Variants in BRAT1 observed in about 807,000 individuals in gnomAD.
BRAT1 encodes the protein integrator complex assembly factor BRAT1.
BRAT1 carries 74 observed loss-of-function variants against 70.6 expected under a neutral mutation model. That is an observed-to-expected ratio of 1.05 (90% CI 0.87 to 1.27). The LOEUF (loss-of-function observed/expected upper bound fraction) is 1.27. Ranked by LOEUF, BRAT1 falls within the 50% of genes most tolerant of loss-of-function variation. The probability of loss-of-function intolerance (pLI) is 0.00; values close to 1 mark genes in which losing one functional copy is unlikely to be tolerated. For synonymous variants in BRAT1, 615 were observed against 517.1 expected, an observed-to-expected ratio of 1.19 and a Z score of -2.57; for missense variants, 1,203 against 1,098.2, an observed-to-expected ratio of 1.10 and a Z score of -1.35.
At chr7:2,544,048 A>G in intron 4 of BRAT1, 86 bp from the exon 5 acceptor site, 1 of 887,420 alleles carries the variant, frequency 1.1e-6, no homozygotes, top group African/African-American at 2.6e-5. Flanking sequence ...GAAGATACAA[A>G]TAGCAGAGGG....
chr7:2,545,981 C>T (rs1334540534), intron 3 of BRAT1, among the ~76,000 whole-genome samples: 1 of 152,248 alleles, frequency 6.6e-6, no homozygotes. Context: ...TGCCTTCGCA[C>T]AACCTGGCGA....
At chr7:2,545,769 C>G (rs1466933493) in intron 3 of BRAT1, among the ~76,000 whole-genome samples, 2 of 152,196 alleles carry the variant, frequency 1.3e-5, no homozygotes, top group African/African-American at 2.4e-5. Flanking sequence ...GGATTATAGG[C>G]ATGAGCCACC....
At position 2,542,509 on chromosome 7, in the gene BRAT1, G is replaced by A. The variant is rs920460406; in HGVS notation, c.924-298C>T. ...GGGCAGTGCCCGCTCAGGGGGACAG[G>A]GATGGGGTGCCCCCAGGTGTGTACA... On this transcript the variant is annotated intron_variant, in intron 6 of 13. Transcript: ENST00000340611. The A allele has an allele frequency of 1.9e-4, 29 of 148,880 alleles. No individual in the cohort carries two copies. The African/African-American group carries it at 4.1e-3, about 21-fold the overall frequency. The allele number at this position is 148,880 out of a possible 1,614,324, so 9.2% of individuals were successfully genotyped here. A position where few individuals can be genotyped will look rare whatever the true frequency, so the allele number is the denominator to read the frequency against.
intron 2 of BRAT1, among the ~76,000 whole-genome samples, 157 bp downstream of exon 2, chr7:2,554,148 G>A (rs1780238267): frequency 6.6e-6 from 1 of 152,142 alleles, no homozygotes; most frequent in South Asian, 2.1e-4. Flanking sequence ...CCCTCAGTCT[G>A]CCACAGATAA....
intron 2 of BRAT1, among the ~76,000 whole-genome samples, chr7:2,550,495 G>GAAAAAAAAAAAAAAAAAAAAA (rs1779928713): frequency 3.6e-5 from 2 of 56,274 alleles, no homozygotes; most frequent in East Asian, 5.4e-4. Context: ...AAAAAAAAAA[G>GAAAAAAAAAAAAAAAAAAAAA]AAAGAAAAGA....
intron 7 of BRAT1, 105 bp from the exon 8 acceptor site, chr7:2,541,941 G>A (rs1779205364): frequency 1.5e-6 from 2 of 1,313,650 alleles, no homozygotes; most frequent in Admixed American, 3.9e-5. Context: ...GGACCTAGGT[G>A]CAGAGCAGCA....
intron 2 of BRAT1, among the ~76,000 whole-genome samples, chr7:2,547,975 T>C (rs756240004): frequency 2.0e-5 from 3 of 151,800 alleles, no homozygotes; most frequent in African/African-American, 4.8e-5. Flanking sequence ...TCCCAGCTAA[T>C]TGGAAGGCTG....
rs1470797331 is a variant in BRAT1, at chr7:2,547,425, G to A, written c.181C>T (p.His61Tyr). 6.2e-7 allele frequency: 1 copy of A among 1,614,088 alleles called. No homozygotes were observed. The highest frequency in any genetic ancestry group is 1.1e-5 in the South Asian group (1 of 91,084). The change falls in exon 3 of 14, where the codon CAT becomes TAT. Residue 61 changes from histidine (H) to tyrosine (Y), a missense_variant. Physicochemically the swap from His to Tyr is moderately conservative, Grantham distance 83. Transcript: ENST00000340611. ...EHPCLVELLS[H>Y]VLKVQDLSSG... is the part of the protein sequence containing the mutation. ...CTCAGGTCCTGGACTTTCAGCACAT[G>A]GGACAGCAGCTCCACCAGGCAGGGG...
intron 11 of BRAT1, 54 bp downstream of exon 11, chr7:2,539,732 T>C: frequency 6.4e-7 from 1 of 1,561,106 alleles, no homozygotes; most frequent in Non-Finnish European, 8.7e-7. Flanking sequence ...CAGCCCCTGC[T>C]GCCTCCACCC....
chr7:2,550,749 C>T (rs4721781), intron 2 of BRAT1, among the ~76,000 whole-genome samples: 68,450 of 151,776 alleles, frequency 0.45, 17,087 homozygotes, highest in African/African-American at 0.67. Flanking sequence ...TCACTGTGAA[C>T]CCAGACTCGG....
At position 2,543,212 on chromosome 7, in the gene BRAT1, G is replaced by A. The variant is rs748023062; in HGVS notation, c.915C>T (p.Leu305=). ...TGCACCCCAGACCATACCAGTGCTC[G>A]AGCTTCAGGATCCCCAAAGCCAGGG... ...MGPLALGILK[L]EHCPQALRTQ... is the part of the protein sequence containing the mutation. The change falls in exon 6 of 14, where the codon CTC becomes CTT. Residue 305 remains leucine (L), a synonymous_variant. Transcript: ENST00000340611. The surrounding 1 kb of genome is among the most constrained non-coding windows in gnomAD (Gnocchi z 5.5). The A allele has an allele frequency of 2.5e-6, 4 of 1,604,706 alleles. No homozygotes were observed. The highest frequency in any genetic ancestry group is 1.7e-5 in the Admixed American group (1 of 58,170).
intron 1 of BRAT1, 99 bp from the exon 2 acceptor site, chr7:2,554,546 G>A: frequency 2.9e-6 from 4 of 1,395,586 alleles, no homozygotes; most frequent in South Asian, 2.9e-5. Flanking sequence ...CTGGGAAGGG[G>A]CCCCAGAACT....
At position 2,540,974 on chromosome 7, in the gene BRAT1, C is replaced by CGTACCGTGGGGCT. The variant is rs1779105557; in HGVS notation, c.1387_1395+4dup. On this transcript the variant is annotated splice_donor_region_variant and intron_variant, in intron 10 of 13. Coordinates refer to ENST00000340611, the MANE Select transcript of BRAT1 (RefSeq NM_152743.4). Reference sequence around the variant, plus strand: ...TCTCCTCGCTCTCTATCCCCACCACCGTACCGTGGGGCTGGAGCCGGGGCT... The same window carrying CGTACCGTGGGGCT: ...TCTCCTCGCTCTCTATCCCCACCACCGTACCGTGGGGCTGTACCGTGGGGCTGGAGCCGGGGCT... 1.5e-5 allele frequency: 23 copies of CGTACCGTGGGGCT among 1,545,018 alleles called. No individual in the cohort carries two copies. The highest frequency in any genetic ancestry group is 1.9e-5 in the Non-Finnish European group (22 of 1,157,494).
chr7:2,538,414 G>A lies in BRAT1; in HGVS notation c.2121C>T (p.Ala707=). 3 of 1,613,522 alleles carry A rather than the reference G, an allele frequency of 1.9e-6. No individual in the cohort carries two copies. The highest frequency in any genetic ancestry group is 2.2e-5 in the South Asian group (2 of 91,088). The change falls in exon 14 of 14, where the codon GCC becomes GCT. Residue 707 remains alanine (A), a synonymous_variant. Coordinates refer to ENST00000340611, the MANE Select transcript of BRAT1 (RefSeq NM_152743.4). ...HVGLFDFAFC[A]LFDCDRPVAQ... ...CCACAGGGCGGTCGCAGTCAAACAAGGCACAAAAGGCGAAGTCAAAGAGCC... is the reference window on the plus strand; with the variant it reads ...CCACAGGGCGGTCGCAGTCAAACAAAGCACAAAAGGCGAAGTCAAAGAGCC...
chr7:2,541,916 C>G, intron 7 of BRAT1, 80 bp from the exon 8 acceptor site: 1 of 1,474,214 alleles, frequency 6.8e-7, no homozygotes, highest in African/African-American at 1.4e-5. Flanking sequence ...CGGTCACCAC[C>G]CACAGCACAG....
chr7:2,538,077 A>C lies in BRAT1; in HGVS notation c.2458T>G (p.Cys820Gly). ...GCAGACTCTGGTTCTGCTCAGTAGC[A>C]GTCGGCCTCGTCCCCCTGCAGGAAG... is the stretch of plus-strand genomic sequence containing the variant. Reference protein sequence around the residue: ...GGFLQGDEADCY With the variant: ...GGFLQGDEADGY Residue 820 changes from cysteine to glycine, a missense_variant, in exon 14 of 14, where the codon TGC (cysteine) becomes GGC (glycine). By Grantham distance (159) the Cys-to-Gly change is radical (BLOSUM62 -3). Coordinates refer to ENST00000340611, the MANE Select transcript of BRAT1 (RefSeq NM_152743.4). The C allele has an allele frequency of 1.3e-6, 2 of 1,565,218 alleles. No homozygotes were observed. The highest frequency in any genetic ancestry group is 1.7e-6 in the Non-Finnish European group (2 of 1,150,036).
At chr7:2,540,405 G>A (rs183568449) in intron 10 of BRAT1, 43 of 155,402 alleles carry the variant, frequency 2.8e-4, no homozygotes, top group Middle Eastern at 3.3e-3. Context: ...CTGCAGAACC[G>A]GCTTCCCAGA....
chr7:2,554,074 C>G (rs1285716242), intron 2 of BRAT1, among the ~76,000 whole-genome samples: 2 of 152,204 alleles, frequency 1.3e-5, no homozygotes, highest in Non-Finnish European at 2.9e-5. Flanking sequence ...CTGATCGTGG[C>G]TCAACTGGCT....
chr7:2,550,329 G>A (rs13246762), intron 2 of BRAT1, among the ~76,000 whole-genome samples: 18,311 of 151,050 alleles, frequency 0.12, 1,495 homozygotes, highest in Admixed American at 0.17. Context: ...TTAGCCGGGC[G>A]TGGTGGCGGG....
Sources: allele counts gnomAD v4.1 joint callset (sites outside exome capture counted in the v4.1 genomes callset), GRCh38; gene constraint gnomAD v4.1.1; non-coding constraint Gnocchi (gnomAD v3.1); transcripts MANE v1.5; gene names NCBI Gene and HGNC (gene_info 2026-07-23, HGNC 2026-07-21).